The following ZNF503 variants were observed in gnomAD, a reference collection of about 807,000 sequenced individuals.
ZNF503 encodes the protein zinc finger protein 503.
ZNF503 carries 15 observed loss-of-function variants against 34.4 expected under a neutral mutation model. That is an observed-to-expected ratio of 0.44 (90% CI 0.29 to 0.67). The LOEUF is 0.67. ZNF503 is among the 30% of genes least tolerant of loss of function. The pLI, the probability that ZNF503 is intolerant of heterozygous loss-of-function variation, is 0.13. For synonymous variants in ZNF503, 580 were observed against 456.8 expected (o/e 1.27, Z -3.44); for missense variants, 1,007 against 926.8 (o/e 1.09, Z -1.12).
At chr10:75,379,916 T>G in the ZNF503 span, among the ~76,000 whole-genome samples, 1 of 152,254 alleles carries the variant, frequency 6.6e-6, no homozygotes, top group East Asian at 1.9e-4. Flanking sequence ...CCTCATCACG[T>G]GCTTCTTCCA....
At chr10:75,318,420 C>T in the ZNF503 span, among the ~76,000 whole-genome samples, 19 of 152,066 alleles carry the variant, frequency 1.2e-4, no homozygotes, top group African/African-American at 4.3e-4. Context: ...CCTGTAATCC[C>T]AGCACTTTGG....
the ZNF503 span, among the ~76,000 whole-genome samples, chr10:75,292,823 T>G: frequency 6.6e-6 from 1 of 152,228 alleles, no homozygotes; most frequent in African/African-American, 2.4e-5. Context: ...GTGGTCTCCC[T>G]GGGATCTCGT....
the ZNF503 span, among the ~76,000 whole-genome samples, chr10:75,392,606 T>C: frequency 6.6e-6 from 1 of 152,068 alleles, no homozygotes; most frequent in African/African-American, 2.4e-5. Context: ...GGCAGAGGAT[T>C]TGAACTCTGA....
chr10:75,320,546 G>A, the ZNF503 span, among the ~76,000 whole-genome samples: 1 of 152,114 alleles, frequency 6.6e-6, no homozygotes, highest in African/African-American at 2.4e-5. Context: ...GGCTGGGCAT[G>A]GTGGCTTATG....
the ZNF503 span, among the ~76,000 whole-genome samples, chr10:75,324,134 A>G: frequency 6.6e-6 from 1 of 151,634 alleles, no homozygotes; most frequent in South Asian, 2.1e-4. Flanking sequence ...GTATTCTTTT[A>G]ACAGTGTCAT....
At chr10:75,380,357 G>C in the ZNF503 span, among the ~76,000 whole-genome samples, 5 of 152,152 alleles carry the variant, frequency 3.3e-5, no homozygotes, top group Admixed American at 6.5e-5. Flanking sequence ...GAGGCTCAGG[G>C]AGCAACATGC....
chr10:75,317,312 G>T, the ZNF503 span, among the ~76,000 whole-genome samples: 1 of 110,000 alleles, frequency 9.1e-6, no homozygotes, highest in African/African-American at 3.5e-5. Flanking sequence ...GAGTCTCGCT[G>T]TTTCACCCAG....
the ZNF503 span, among the ~76,000 whole-genome samples, chr10:75,329,490 A>T: frequency 7.2e-6 from 1 of 138,438 alleles, no homozygotes; most frequent in African/African-American, 2.7e-5. Context: ...TTACAGACAG[A>T]GTTTAGCTCT....
At chr10:75,314,825 T>C in the ZNF503 span, among the ~76,000 whole-genome samples, 2 of 152,086 alleles carry the variant, frequency 1.3e-5, no homozygotes, top group Admixed American at 6.5e-5. Flanking sequence ...GAAGGAGACA[T>C]AAAGACTTTT....
chr10:75,385,776 A>G, the ZNF503 span, among the ~76,000 whole-genome samples: 3 of 152,190 alleles, frequency 2.0e-5, no homozygotes, highest in Non-Finnish European at 4.4e-5. Context: ...GGCACCAATG[A>G]TTGGAAAATA....
the ZNF503 span, among the ~76,000 whole-genome samples, chr10:75,282,679 G>A: frequency 2.0e-5 from 3 of 152,212 alleles, no homozygotes; most frequent in East Asian, 1.9e-4. Context: ...GAATTGAATC[G>A]CACAAAGACA....
At chr10:75,380,393 C>T in the ZNF503 span, among the ~76,000 whole-genome samples, 2 of 152,154 alleles carry the variant, frequency 1.3e-5, no homozygotes, top group Non-Finnish European at 2.9e-5. Context: ...CAGCCAGCTA[C>T]AGAGCTGGAG....
the ZNF503 span, among the ~76,000 whole-genome samples, chr10:75,391,487 G>T: frequency 6.6e-6 from 1 of 152,170 alleles, no homozygotes; most frequent in African/African-American, 2.4e-5. Flanking sequence ...AGCCTGGACT[G>T]CCCACCTCTA....
the ZNF503 span, chr10:75,360,966 T>C: frequency 6.6e-6 from 1 of 152,202 alleles, no homozygotes; most frequent in East Asian, 1.9e-4. Flanking sequence ...GGGAGACCTC[T>C]CCTGGGATAA....
chr10:75,308,539 G>T, the ZNF503 span, among the ~76,000 whole-genome samples: 1 of 152,138 alleles, frequency 6.6e-6, no homozygotes, highest in African/African-American at 2.4e-5. Flanking sequence ...TGATGGATCT[G>T]GGCAAAGTAA....
chr10:75,330,738 T>C, the ZNF503 span, among the ~76,000 whole-genome samples: 1 of 152,138 alleles, frequency 6.6e-6, no homozygotes. Flanking sequence ...CTTTTCCTTT[T>C]TTTTCTTGGT....
chr10:75,349,042 T>C, the ZNF503 span, among the ~76,000 whole-genome samples: 1 of 152,314 alleles, frequency 6.6e-6, no homozygotes, highest in East Asian at 1.9e-4. Context: ...GAGTTACTTG[T>C]AGACATTATG....
At chr10:75,289,647 G>A in the ZNF503 span, among the ~76,000 whole-genome samples, 2 of 152,180 alleles carry the variant, frequency 1.3e-5, no homozygotes, top group Admixed American at 6.5e-5. Context: ...GTGCAGTGGT[G>A]TGATCTCAGC....
chr10:75,291,190 C>T, the ZNF503 span, among the ~76,000 whole-genome samples: 1 of 152,224 alleles, frequency 6.6e-6, no homozygotes, highest in Admixed American at 6.5e-5. Context: ...TTCTTTTCCT[C>T]AAAGACTGAA....
Sources: allele counts gnomAD v4.1 joint callset (sites outside exome capture counted in the v4.1 genomes callset), GRCh38; gene constraint gnomAD v4.1.1; transcripts MANE v1.5; gene names NCBI Gene and HGNC (gene_info 2026-07-23, HGNC 2026-07-21).